Variants in STIM2 observed in about 807,000 individuals in gnomAD.
STIM2 encodes stromal interaction molecule 2.
STIM2 carries 31 observed loss-of-function variants against 85.8 expected under a neutral mutation model. The ratio of observed to expected loss-of-function variants is 0.36; its 90% CI spans 0.27 to 0.49. STIM2 has a LOEUF of 0.49. STIM2 is among the 20% of genes least tolerant of loss of function. The probability of loss-of-function intolerance (pLI) is 0.98; values close to 1 mark genes in which losing one functional copy is unlikely to be tolerated. For missense variants in STIM2, 841 were observed against 927.6 expected (o/e 0.91, Z 1.21); for synonymous variants, 356 against 331.1 (o/e 1.08, Z -0.82).
chr4:26,894,247 C>G (rs1181205557), intron 1 of STIM2, among the ~76,000 whole-genome samples: 3 of 151,736 alleles, frequency 2.0e-5, no homozygotes, highest in Non-Finnish European at 2.9e-5. Context: ...GAATTTTTGC[C>G]TTGTCTTTTT....
intron 6 of STIM2, 126 bp from the exon 7 acceptor site, chr4:27,002,801 A>C (rs779497296): frequency 3.8e-5 from 36 of 938,148 alleles, no homozygotes; most frequent in Admixed American, 1.2e-4. Flanking sequence ...CTTAAGGCTA[A>C]TGAAAAATGC....
At chr4:26,997,245 A>G (rs746732873) in intron 4 of STIM2, among the ~76,000 whole-genome samples, 2 of 152,216 alleles carry the variant, frequency 1.3e-5, no homozygotes, top group Non-Finnish European at 2.9e-5. Context: ...AGAATGTATA[A>G]GAAAATGTAT....
intron 1 of STIM2, among the ~76,000 whole-genome samples, chr4:26,889,902 C>A (rs1306902377): frequency 6.6e-6 from 1 of 152,208 alleles, no homozygotes; most frequent in Admixed American, 6.5e-5. Flanking sequence ...CCAAAGAGGT[C>A]TATCTACATT....
At chr4:26,978,313 A>G in intron 3 of STIM2, among the ~76,000 whole-genome samples, 2 of 148,294 alleles carry the variant, frequency 1.3e-5, no homozygotes, top group South Asian at 4.2e-4. Context: ...ATCTATATAT[A>G]TGAATATATA....
At position 27,008,759 on chromosome 4, in the gene STIM2, TC is replaced by T. The variant is rs773538692; in HGVS notation, c.1251-3del. On this transcript the variant is annotated splice_region_variant and splice_polypyrimidine_tract_variant and intron_variant, in intron 9 of 11. Coordinates refer to ENST00000467087, the MANE Select transcript of STIM2 (RefSeq NM_020860.4). ...AGTAAGTAATTTCTTTATTGGCTTT[TC>T]CAGGAAAGCTCTCTCTGAGTTGACA... is the stretch of plus-strand genomic sequence containing the variant. 2 of 1,613,882 alleles carry T rather than the reference TC, an allele frequency of 1.2e-6. No individual in the cohort carries two copies. The highest frequency in any genetic ancestry group is 2.7e-5 in the African/African-American group (2 of 75,010).
chr4:26,880,726 G>A (rs539458605), intron 1 of STIM2, among the ~76,000 whole-genome samples: 3 of 141,720 alleles, frequency 2.1e-5, no homozygotes, highest in Non-Finnish European at 4.6e-5. Flanking sequence ...TTTTTCCCGA[G>A]GATAGACAGC....
chr4:27,023,577 A>G lies in STIM2; in HGVS notation c.*581A>G, dbSNP rs917049266. ...CAAAATGGGTTTTTAAGTAGAACCTAGGGTTTCTAATTGACTTGATTTCTG... is the reference window on the plus strand; with the variant it reads ...CAAAATGGGTTTTTAAGTAGAACCTGGGGTTTCTAATTGACTTGATTTCTG... On this transcript the variant is annotated 3_prime_UTR_variant, in exon 12 of 12. Transcript: ENST00000467087. The G allele has an allele frequency of 2.0e-5, 3 of 152,406 alleles. No homozygotes were observed. Among genetic ancestry groups the G allele is most frequent in the Non-Finnish European group, 2.9e-5 (2 of 68,152 alleles). The allele number at this position is 152,406 out of a possible 1,614,324, so 9.4% of individuals were successfully genotyped here.
intron 2 of STIM2, among the ~76,000 whole-genome samples, chr4:26,944,236 C>G (rs1332161425): frequency 6.6e-6 from 1 of 152,124 alleles, no homozygotes; most frequent in African/African-American, 2.4e-5. Context: ...TTTTCTCCAT[C>G]CCTTTAAAGA....
chr4:26,860,945 A>G lies in STIM2; in HGVS notation c.-274A>G, dbSNP rs938114281. On this transcript the variant is annotated 5_prime_UTR_variant, in exon 1 of 12. Transcript: ENST00000467087. ...CCACCTTTTTTTTTTTTTTTTTTAA[A>G]TAACCGGAACCAATGAACGCAGCCG... The G allele has an allele frequency of 8.0e-5, 95 of 1,185,514 alleles. No individual in the cohort carries two copies. The highest frequency in any genetic ancestry group is 9.7e-5 in the Non-Finnish European group (92 of 946,624). The allele number at this position is 1,185,514 out of a possible 1,614,324, so 73.4% of individuals were successfully genotyped here. A position where few individuals can be genotyped will look rare whatever the true frequency, so the allele number is the denominator to read the frequency against.
intron 3 of STIM2, among the ~76,000 whole-genome samples, chr4:26,976,160 C>G (rs1219829794): frequency 2.0e-5 from 3 of 152,066 alleles, no homozygotes; most frequent in African/African-American, 7.2e-5. Flanking sequence ...GTCATGGCTT[C>G]CCTTGGCTAG....
In STIM2 at chr4:26,919,568, T is replaced by G. The variant is rs1724722305; in HGVS notation, c.216T>G (p.Leu72=). Residue 72 remains leucine, a synonymous_variant, in exon 2 of 12, where the codon CTT becomes CTG. Coordinates refer to ENST00000467087, the MANE Select transcript of STIM2 (RefSeq NM_020860.4). The stretch of plus-strand genomic sequence containing the variant: ...AAGACAGATTTAGTCTGGAAGCTCT[T>G]CAAACAATACATAAACAAATGGATG... 6.2e-7 allele frequency: 1 copy of G among 1,613,564 alleles called. No homozygotes were observed. Among genetic ancestry groups the G allele is most frequent in the Admixed American group, 1.7e-5 (1 of 59,968 alleles).
At chr4:26,870,162 C>G (rs1159056573) in intron 1 of STIM2, among the ~76,000 whole-genome samples, 1 of 152,000 alleles carries the variant, frequency 6.6e-6, no homozygotes, top group Non-Finnish European at 1.5e-5. Context: ...GTTGAAACTT[C>G]AAGTACAAAG....
intron 1 of STIM2, among the ~76,000 whole-genome samples, chr4:26,901,377 T>C (rs912232645): frequency 5.9e-5 from 9 of 152,190 alleles, no homozygotes; most frequent in South Asian, 2.1e-4. Flanking sequence ...AATAAACATA[T>C]TAAATTCATT....
chr4:26,901,934 T>C (rs1362094428), intron 1 of STIM2, among the ~76,000 whole-genome samples: 1 of 152,082 alleles, frequency 6.6e-6, no homozygotes, highest in Non-Finnish European at 1.5e-5. Context: ...GAGTGCAGAG[T>C]AGGAAGCATC....
rs1040582974 is a variant in STIM2 at position 26,955,683 on chromosome 4, G to A, written c.283-1929G>A. On this transcript the variant is annotated intron_variant, in intron 2 of 11. Transcript: ENST00000467087. ...TTTAGAGCAGACAACAGATTACATA[G>A]ATTTTTTTAGTTTAGTACTTTTCAA... Among the ~76,000 whole-genome samples, 4 of 148,190 alleles carry A rather than the reference G, an allele frequency of 2.7e-5. No homozygotes were observed. The East Asian group carries it at 7.7e-4, about 29-fold the overall frequency.
intron 1 of STIM2, among the ~76,000 whole-genome samples, chr4:26,867,850 C>G (rs1177618082): frequency 6.6e-6 from 1 of 152,182 alleles, no homozygotes; most frequent in Non-Finnish European, 1.5e-5. Flanking sequence ...AAGGGTGGTT[C>G]CCTCTTAAGT....
intron 2 of STIM2, among the ~76,000 whole-genome samples, chr4:26,937,992 T>C (rs1725455865): frequency 6.6e-6 from 1 of 152,140 alleles, no homozygotes; most frequent in Admixed American, 6.5e-5. Context: ...TTTTTTGTCT[T>C]TTTTTCCTCT....
At chr4:27,010,251 C>T (rs1728514949) in intron 10 of STIM2, among the ~76,000 whole-genome samples, 1 of 152,086 alleles carries the variant, frequency 6.6e-6, no homozygotes, top group East Asian at 1.9e-4. Flanking sequence ...CAAGACCAGC[C>T]TGGCCAACAT....
chr4:27,013,575 AT>A (rs913909927), intron 10 of STIM2, among the ~76,000 whole-genome samples: 78 of 152,048 alleles, frequency 5.1e-4, no homozygotes, highest in Non-Finnish European at 1.0e-4. Context: ...CTGGAACAAG[AT>A]TGCTTGGGTT....
Sources: gnomAD v4.1 joint callset for allele counts (sites outside exome capture counted in the v4.1 genomes callset) on GRCh38, gnomAD v4.1.1 for gene constraint, MANE v1.5 for transcripts, NCBI Gene and HGNC (gene_info 2026-07-23, HGNC 2026-07-21) for gene names.